Variants in MAML2 observed in about 807,000 individuals in gnomAD.
The protein encoded by MAML2 is mastermind-like protein 2.
A neutral mutation model predicts 96.1 loss-of-function variants in MAML2; 22 were observed. That is an observed-to-expected ratio of 0.23 (90% CI 0.16 to 0.33). The LOEUF (loss-of-function observed/expected upper bound fraction) is 0.33. Among genes scored for constraint, MAML2 ranks in the 10% least tolerant of loss-of-function variants. The pLI, the probability that MAML2 is intolerant of heterozygous loss-of-function variation, is 1.00. For synonymous variants in MAML2, 561 were observed against 521.3 expected, an observed-to-expected ratio of 1.08 and a Z score of -1.04; for missense variants, 1,367 against 1,392.4, an observed-to-expected ratio of 0.98 and a Z score of 0.29.
At chr11:96,133,112 G>A (rs1000381958) in intron 1 of MAML2, among the ~76,000 whole-genome samples, 2 of 152,088 alleles carry the variant, frequency 1.3e-5, no homozygotes, top group East Asian at 1.9e-4. Context: ...AGAAAACATC[G>A]CCCTCAAGTA....
At chr11:96,302,185 A>T (rs1299820853) in intron 1 of MAML2, among the ~76,000 whole-genome samples, 2 of 152,276 alleles carry the variant, frequency 1.3e-5, no homozygotes, top group Non-Finnish European at 2.9e-5. Context: ...ATGCCATCAC[A>T]TAATCAGTGT....
chr11:96,123,319 G>A (rs573702895), intron 1 of MAML2, among the ~76,000 whole-genome samples: 2 of 149,298 alleles, frequency 1.3e-5, no homozygotes, highest in Non-Finnish European at 3.0e-5. Flanking sequence ...TTTTTTTCAC[G>A]TATCTGCCTG....
In MAML2 at chr11:96,127,377, G is replaced by A. The variant is rs1200611347; in HGVS notation, c.514-33860C>T. Among the ~76,000 whole-genome samples, 10 of 152,256 alleles carry A rather than the reference G, an allele frequency of 6.6e-5. No homozygotes were observed. In the East Asian group the frequency reaches 1.9e-3, roughly 29 times the overall value. On this transcript the variant is annotated intron_variant, in intron 1 of 4. Transcript: ENST00000524717. ...GGCTGTTTTCACTTAGGATTTGTAT[G>A]ACATGTTCATAACTGAAATGGAGAG... is the stretch of plus-strand genomic sequence containing the variant.
chr11:96,146,249 G>A (rs1860817523), intron 1 of MAML2, among the ~76,000 whole-genome samples: 1 of 152,110 alleles, frequency 6.6e-6, no homozygotes, highest in Admixed American at 6.5e-5. Flanking sequence ...AACCAGATAG[G>A]TTTCTTATAA....
At chr11:96,288,555 A>C (rs1863169780) in intron 1 of MAML2, among the ~76,000 whole-genome samples, 2 of 151,842 alleles carry the variant, frequency 1.3e-5, no homozygotes, top group African/African-American at 4.8e-5. Flanking sequence ...AAAAAAAAAA[A>C]AAAAAACAAC....
intron 1 of MAML2, among the ~76,000 whole-genome samples, chr11:96,313,240 T>C (rs1863571551): frequency 6.6e-6 from 1 of 152,114 alleles, no homozygotes; most frequent in African/African-American, 2.4e-5. Flanking sequence ...CTGAGACCAA[T>C]AGTCTAACTC....
chr11:96,079,858 C>T (rs112330492), intron 2 of MAML2, among the ~76,000 whole-genome samples: 3,930 of 152,212 alleles, frequency 0.026, 118 homozygotes, highest in African/African-American at 0.073. Context: ...AGTCGTAGGA[C>T]GACAGCTGTA....
At chr11:96,276,816 CAAAA>C (rs67291067) in intron 1 of MAML2, among the ~76,000 whole-genome samples, 14 of 78,650 alleles carry the variant, frequency 1.8e-4, no homozygotes, top group African/African-American at 4.2e-4. Flanking sequence ...TTCTCAGACC[CAAAA>C]AAAAAAAAAA....
At chr11:96,282,624 C>G (rs1863088059) in intron 1 of MAML2, among the ~76,000 whole-genome samples, 1 of 152,126 alleles carries the variant, frequency 6.6e-6, no homozygotes, top group South Asian at 2.1e-4. Context: ...TTCAATTGCA[C>G]AGGAAAAAGT....
intron 1 of MAML2, among the ~76,000 whole-genome samples, chr11:96,140,999 G>A (rs919482766): frequency 6.6e-6 from 1 of 152,198 alleles, no homozygotes; most frequent in African/African-American, 2.4e-5. Context: ...TTGAATTTCA[G>A]ACAAACAAGT....
rs151030124 is a variant in MAML2 at position 96,102,190 on chromosome 11, G to A, written c.514-8673C>T. Reference sequence around the variant, plus strand: ...ACTTGGGAGGCTGAGGCAGGAAAACGGCGTGAACCTGGGAGGCGGAGCTTG... The same window carrying A: ...ACTTGGGAGGCTGAGGCAGGAAAACAGCGTGAACCTGGGAGGCGGAGCTTG... On this transcript the variant is annotated intron_variant, in intron 1 of 4. Transcript: ENST00000524717. 9.1e-3 allele frequency among the ~76,000 whole-genome samples: 1,393 copies of A among 152,246 alleles called. 18 individuals carry two copies. Among genetic ancestry groups the A allele is most frequent in the African/African-American group, 0.031 (1,279 of 41,548 alleles).
chr11:96,003,078 G>GGAGGATGATGGGGATGAT (rs553124852), intron 2 of MAML2, among the ~76,000 whole-genome samples: 1 of 143,248 alleles, frequency 7.0e-6, no homozygotes, highest in Non-Finnish European at 1.5e-5. Flanking sequence ...GGGATGATGA[G>GGAGGATGATGGGGATGAT]GAGGATGATG....
At chr11:96,187,824 G>A (rs750149093) in intron 1 of MAML2, among the ~76,000 whole-genome samples, 2 of 151,534 alleles carry the variant, frequency 1.3e-5, no homozygotes, top group Admixed American at 6.6e-5. Flanking sequence ...AATAACTGTC[G>A]TGTTTAGGAA....
At chr11:96,309,418 C>T (rs187747658) in intron 1 of MAML2, among the ~76,000 whole-genome samples, 15 of 152,290 alleles carry the variant, frequency 9.8e-5, no homozygotes, top group Admixed American at 5.2e-4. Context: ...GTACAGAGAA[C>T]TTCATTCAAC....
intron 3 of MAML2, among the ~76,000 whole-genome samples, chr11:95,986,372 A>AT (rs934935273): frequency 3.3e-5 from 5 of 149,862 alleles, no homozygotes; most frequent in East Asian, 3.9e-4. Flanking sequence ...AAATTTTTGT[A>AT]TTTTTTTTTA....
At position 96,237,700 on chromosome 11, in the gene MAML2, G is replaced by A. The variant is rs146676778; in HGVS notation, c.513+103683C>T. On this transcript the variant is annotated intron_variant, in intron 1 of 4. Coordinates refer to ENST00000524717, the MANE Select transcript of MAML2 (RefSeq NM_032427.4). ...TTCATTAATGTAATATGTAATTGTCGTGTATTGAATCTGGCTGTGGATACA... is the reference window on the plus strand; with the variant it reads ...TTCATTAATGTAATATGTAATTGTCATGTATTGAATCTGGCTGTGGATACA... Among the ~76,000 whole-genome samples, 95 of 152,308 alleles carry A rather than the reference G, an allele frequency of 6.2e-4. 1 individual carries two copies. The highest frequency in any genetic ancestry group is 8.5e-4 in the Non-Finnish European group (58 of 68,018).
intron 2 of MAML2, among the ~76,000 whole-genome samples, chr11:96,057,395 A>G (rs16922954): frequency 0.15 from 22,260 of 152,126 alleles, 1,785 homozygotes; most frequent in South Asian, 0.22. Flanking sequence ...ATGTCTGTCC[A>G]TTTATCTATC....
At chr11:96,282,966 A>G (rs1467476056) in intron 1 of MAML2, among the ~76,000 whole-genome samples, 1 of 152,094 alleles carries the variant, frequency 6.6e-6, no homozygotes, top group African/African-American at 2.4e-5. Context: ...TAACTGCTGT[A>G]TTTTTCCATA....
chr11:96,217,210 C>A (rs772469581), intron 1 of MAML2, among the ~76,000 whole-genome samples: 2 of 152,244 alleles, frequency 1.3e-5, no homozygotes, highest in Non-Finnish European at 1.5e-5. Context: ...AGCTCCATGT[C>A]ACTGGAAATA....
Sources: allele counts gnomAD v4.1 joint callset (sites outside exome capture counted in the v4.1 genomes callset), GRCh38; gene constraint gnomAD v4.1.1; transcripts MANE v1.5; gene names NCBI Gene and HGNC (gene_info 2026-07-23, HGNC 2026-07-21).